PCDH11X: variants seen among roughly 807,000 people sequenced by gnomAD.
The protein encoded by PCDH11X is protocadherin 11 X-linked, also known as protocadherin-11 X-linked.
In PCDH11X, 18 loss-of-function variants were observed where a neutral mutation model predicts 53.3. The ratio of observed to expected loss-of-function variants is 0.34; its 90% CI spans 0.23 to 0.50. PCDH11X has a LOEUF of 0.50. Among genes scored for constraint, PCDH11X ranks in the 20% least tolerant of loss-of-function variants. The pLI, the probability that PCDH11X is intolerant of heterozygous loss-of-function variation, is 0.98. For missense variants in PCDH11X, 570 were observed against 1,032.4 expected, an observed-to-expected ratio of 0.55 and a Z score of 6.14; for synonymous variants, 279 against 393.3, an observed-to-expected ratio of 0.71 and a Z score of 3.44.
intron 10 of PCDH11X, among the ~76,000 whole-genome samples, chrX:92,561,666 C>T (rs2075133293): frequency 1.8e-5 from 2 of 109,549 alleles, no homozygotes; most frequent in African/African-American, 6.6e-5. Context: ...GATAAATAGG[C>T]TCAAAAGCAC....
At chrX:92,555,102 C>A (rs1189244344) in intron 10 of PCDH11X, among the ~76,000 whole-genome samples, 2 of 111,184 alleles carry the variant, frequency 1.8e-5, no homozygotes, top group Non-Finnish European at 3.8e-5. Flanking sequence ...AACATAGGAA[C>A]CTCATAACTT....
At chrX:92,217,155 A>G (rs2066737407) in intron 7 of PCDH11X, among the ~76,000 whole-genome samples, 1 of 110,926 alleles carries the variant, frequency 9.0e-6, no homozygotes, top group Non-Finnish European at 1.9e-5. Context: ...TAACGAGCAA[A>G]ATAACCAGCT....
At chrX:91,966,982 AC>A (rs2061873358) in intron 6 of PCDH11X, among the ~76,000 whole-genome samples, 1 of 39,818 alleles carries the variant, frequency 2.5e-5, no homozygotes, top group Admixed American at 3.1e-4. Context: ...CTCAACCCCC[AC>A]CCCCCACCCC....
chrX:91,958,527 C>T (rs113526160), intron 6 of PCDH11X, among the ~76,000 whole-genome samples: 1,182 of 110,145 alleles, frequency 0.011, 26 homozygotes, highest in African/African-American at 0.037. Flanking sequence ...GAGAGAAGTG[C>T]GGTTTTTCAG....
At chrX:91,944,394 A>C (rs1175693494) in intron 6 of PCDH11X, among the ~76,000 whole-genome samples, 1 of 106,842 alleles carries the variant, frequency 9.4e-6, no homozygotes, top group Non-Finnish European at 1.9e-5. Flanking sequence ...AAACTTGTTC[A>C]AAATGCTTGC....
At chrX:91,802,259 T>A (rs1413015354) in intron 1 of PCDH11X, among the ~76,000 whole-genome samples, 2 of 112,847 alleles carry the variant, frequency 1.8e-5, no homozygotes, top group African/African-American at 6.4e-5. Flanking sequence ...CATATTTGTG[T>A]GTCTTTTGTC....
At chrX:92,407,692 A>C (rs1242224274) in intron 9 of PCDH11X, among the ~76,000 whole-genome samples, 1 of 108,963 alleles carries the variant, frequency 9.2e-6, no homozygotes, top group Non-Finnish European at 1.9e-5. Flanking sequence ...TGTGTATGGC[A>C]TGTGTCATCT....
At chrX:92,322,107 T>C (rs1196403775) in intron 8 of PCDH11X, among the ~76,000 whole-genome samples, 1 of 110,219 alleles carries the variant, frequency 9.1e-6, no homozygotes, top group Non-Finnish European at 1.9e-5. Context: ...CCGTAGCCTA[T>C]TTTAGGAATT....
intron 6 of PCDH11X, among the ~76,000 whole-genome samples, chrX:92,085,733 CAAGA>C (rs1013158210): frequency 3.6e-5 from 4 of 110,545 alleles, no homozygotes; most frequent in African/African-American, 1.3e-4. Flanking sequence ...AACACCTATG[CAAGA>C]AAGAAAGGAA....
chrX:91,798,633 TAC>T (rs1210721547), intron 1 of PCDH11X, among the ~76,000 whole-genome samples: 1 of 110,625 alleles, frequency 9.0e-6, no homozygotes, highest in Non-Finnish European at 1.9e-5. Flanking sequence ...AAAATATAAG[TAC>T]ACAGATACTT....
chrX:92,375,664 G>A (rs1273444798), intron 8 of PCDH11X, among the ~76,000 whole-genome samples: 7 of 109,549 alleles, frequency 6.4e-5, no homozygotes, highest in African/African-American at 1.0e-4. Flanking sequence ...TCACTCTGTC[G>A]CCCAGGCTGG....
At chrX:91,973,816 T>C (rs2062008210) in intron 6 of PCDH11X, among the ~76,000 whole-genome samples, 2 of 109,566 alleles carry the variant, frequency 1.8e-5, no homozygotes, top group Admixed American at 2.0e-4. Context: ...TGTTTCACCA[T>C]GTTGGCCAGG....
intron 5 of PCDH11X, among the ~76,000 whole-genome samples, chrX:91,871,015 T>C (rs1385868690): frequency 9.0e-6 from 1 of 110,693 alleles, no homozygotes; most frequent in Admixed American, 9.6e-5. Flanking sequence ...AGGCTACAAA[T>C]GAATTCTGAA....
intron 1 of PCDH11X, among the ~76,000 whole-genome samples, 164 bp downstream of exon 1, chrX:91,779,848 G>T (rs1347685852): frequency 9.1e-6 from 1 of 109,668 alleles, no homozygotes; most frequent in South Asian, 4.0e-4. Context: ...TTCTCTTCCC[G>T]GGAGGTAAGA....
intron 6 of PCDH11X, among the ~76,000 whole-genome samples, chrX:92,111,232 A>C (rs1262997297): frequency 1.0e-5 from 1 of 97,749 alleles, no homozygotes; most frequent in African/African-American, 4.0e-5. Context: ...AAAAAAAAAA[A>C]AAAAAAAAAA....
At chrX:92,143,344 C>G (rs1043920142) in intron 6 of PCDH11X, among the ~76,000 whole-genome samples, 1 of 112,130 alleles carries the variant, frequency 8.9e-6, no homozygotes, top group African/African-American at 3.2e-5. Flanking sequence ...TCACAGCAGC[C>G]CCTCCCATCA....
chrX:92,078,273 T>G (rs2063805949), intron 6 of PCDH11X, among the ~76,000 whole-genome samples: 1 of 111,082 alleles, frequency 9.0e-6, no homozygotes, highest in Non-Finnish European at 1.9e-5. Context: ...TTATAAAATG[T>G]TTTATCTAAT....
intron 8 of PCDH11X, among the ~76,000 whole-genome samples, chrX:92,290,380 T>C (rs1160954750): frequency 2.7e-5 from 3 of 111,402 alleles, no homozygotes; most frequent in East Asian, 5.7e-4. Context: ...AAAGGAGCAA[T>C]TGACTTTTAA....
intron 9 of PCDH11X, among the ~76,000 whole-genome samples, chrX:92,445,192 CTTTTTTT>C (rs778466088): frequency 2.4e-4 from 4 of 16,530 alleles, no homozygotes; most frequent in Non-Finnish European, 3.1e-4. Flanking sequence ...TGGTCCAGGG[CTTTTTTT>C]TTTTTTTTTT....
Sources: allele counts gnomAD v4.1 joint callset (sites outside exome capture counted in the v4.1 genomes callset), GRCh38; gene constraint gnomAD v4.1.1; transcripts MANE v1.5; gene names NCBI Gene and HGNC (gene_info 2026-07-23, HGNC 2026-07-21).